The following SH3D19 variants were observed in gnomAD, a reference collection of about 807,000 sequenced individuals.
SH3D19 encodes SH3 domain-containing protein 19.
Under a neutral mutation model 112.1 loss-of-function variants are expected in SH3D19, and 58 were observed. That is an observed-to-expected ratio of 0.52 (90% CI 0.42 to 0.64). The LOEUF (loss-of-function observed/expected upper bound fraction) is 0.64. SH3D19 is among the 30% of genes least tolerant of loss of function. SH3D19 has a pLI of 0.00. For synonymous variants in SH3D19, 391 were observed against 448.5 expected, an observed-to-expected ratio of 0.87 and a Z score of 1.62; for missense variants, 1,090 against 1,263.4, an observed-to-expected ratio of 0.86 and a Z score of 2.08.
In SH3D19 at chr4:151,176,946, C is replaced by G. The variant is rs1429838905; in HGVS notation, c.246G>C (p.Glu82Asp). The G allele has an allele frequency of 8.1e-7, 1 of 1,232,200 alleles. No individual in the cohort carries two copies. Among genetic ancestry groups the G allele is most frequent in the Non-Finnish European group, 1.0e-6 (1 of 987,980 alleles). The allele number at this position is 1,232,200 out of a possible 1,614,324, so 76.3% of individuals were successfully genotyped here. A position where few individuals can be genotyped will look rare whatever the true frequency, so the allele number is the denominator to read the frequency against. Residue 82 changes from glutamate to aspartate, a missense_variant, in exon 5 of 20, where the codon GAG (glutamate) becomes GAC (aspartate). Transcript: ENST00000604030. ...GTGGCTCAGCTGCCACAATGGTGATCTCTGGGCGCCTAGTGGACAGAAGCC... is the reference window on the plus strand; with the variant it reads ...GTGGCTCAGCTGCCACAATGGTGATGTCTGGGCGCCTAGTGGACAGAAGCC... The part of the protein sequence containing the change: ...SELHRDRRRP[E>D]ITIVAAEPLR...
intron 2 of SH3D19, among the ~76,000 whole-genome samples, chr4:151,195,025 A>G (rs1201429586): frequency 6.6e-6 from 1 of 150,490 alleles, no homozygotes; most frequent in Non-Finnish European, 1.5e-5. Flanking sequence ...CAGTGAGCCA[A>G]GATCGTGCAC....
At chr4:151,283,202 T>C in intron 1 of SH3D19, 1 of 1,613,918 alleles carries the variant, frequency 6.2e-7, no homozygotes, top group Non-Finnish European at 8.5e-7. Context: ...ATCCCATCGG[T>C]ATCTTCTTGC....
chr4:151,170,831 C>T (rs987443521), intron 7 of SH3D19: 1 of 152,192 alleles, frequency 6.6e-6, no homozygotes, highest in African/African-American at 2.4e-5. Flanking sequence ...CAGTGAAAAC[C>T]AGGTTCCCTG....
At chr4:151,189,136 CAG>C (rs1344105870) in intron 2 of SH3D19, among the ~76,000 whole-genome samples, 5 of 152,168 alleles carry the variant, frequency 3.3e-5, no homozygotes, top group Non-Finnish European at 5.9e-5. Context: ...AATTTTTAGA[CAG>C]AGTCTCGCTC....
rs147933255 is a variant in SH3D19 at position 151,174,856 on chromosome 4, G to A, written c.1348C>T (p.Leu450Phe). The A allele has an allele frequency of 5.0e-6, 8 of 1,600,058 alleles. No homozygotes were observed. In the South Asian group the frequency reaches 7.9e-5, roughly 16 times the overall value. ...GCTTTGGCTTGTGATGCCCCTGCGAGTCGGGGAGGAACAGTGACAGGTTTC... is the reference window on the plus strand; with the variant it reads ...GCTTTGGCTTGTGATGCCCCTGCGAATCGGGGAGGAACAGTGACAGGTTTC... Reference protein sequence around the residue: ...PLKPVTVPPRLAGASQAKAYK... With the variant: ...PLKPVTVPPRFAGASQAKAYK... The change falls in exon 7 of 20, where the codon CTC (leucine) becomes TTC (phenylalanine). Residue 450 changes from leucine (L) to phenylalanine (F), a missense_variant. Transcript: ENST00000604030.
intron 8 of SH3D19, among the ~76,000 whole-genome samples, 190 bp downstream of exon 8, chr4:151,165,399 G>A (rs1427787181): frequency 2.0e-5 from 3 of 152,090 alleles, no homozygotes; most frequent in South Asian, 2.1e-4. Flanking sequence ...AAAGGGAAGC[G>A]AAGGGGAAAG....
chr4:151,288,297 TA>T (rs1347720107), intron 1 of SH3D19, among the ~76,000 whole-genome samples: 1 of 151,980 alleles, frequency 6.6e-6, no homozygotes, highest in African/African-American at 2.4e-5. Flanking sequence ...AAGAGACAAA[TA>T]AAAAGACATC....
At chr4:151,155,884 G>C (rs1364444325) in intron 9 of SH3D19, among the ~76,000 whole-genome samples, 2 of 151,948 alleles carry the variant, frequency 1.3e-5, no homozygotes, top group African/African-American at 4.8e-5. Flanking sequence ...GCGAGACTCT[G>C]TCTCAAAAAA....
intron 2 of SH3D19, among the ~76,000 whole-genome samples, chr4:151,195,928 AAAAAAAAAAAAG>A (rs1236480019): frequency 1.1e-4 from 16 of 151,796 alleles, no homozygotes; most frequent in Admixed American, 1.0e-3. Flanking sequence ...GTTCTTAAAA[AAAAAAAAAAAAG>A]AAAAAAGAAT....
rs116609677 is a variant in SH3D19 at position 151,177,109 on chromosome 4, C to T, written c.237-154G>A. ...ATGACCTGTCAGGCCTGGGCTGTCT[C>T]TGACAGTACACCCAGACAGGCTTCA... On this transcript the variant is annotated intron_variant, in intron 4 of 19. Coordinates refer to ENST00000604030, the MANE Select transcript of SH3D19 (RefSeq NM_001378122.1). 2.7e-3 allele frequency among the ~76,000 whole-genome samples: 419 copies of T among 152,366 alleles called. 1 individual carries two copies. The highest frequency in any genetic ancestry group is 9.8e-3 in the African/African-American group (407 of 41,588).
chr4:151,321,464 C>T (rs1730525704), intron 1 of SH3D19, among the ~76,000 whole-genome samples: 1 of 151,914 alleles, frequency 6.6e-6, no homozygotes, highest in Admixed American at 6.6e-5. Context: ...AACCAAGAAA[C>T]AAAAATGAAG....
At chr4:151,199,355 C>T (rs1472838302) in intron 2 of SH3D19, among the ~76,000 whole-genome samples, 1 of 152,042 alleles carries the variant, frequency 6.6e-6, no homozygotes, top group Non-Finnish European at 1.5e-5. Context: ...AGGAAATGTG[C>T]CTTTTATCAG....
chr4:151,177,675 A>C (rs999958090), intron 4 of SH3D19, among the ~76,000 whole-genome samples: 2 of 152,034 alleles, frequency 1.3e-5, no homozygotes, highest in African/African-American at 4.8e-5. Flanking sequence ...TAAAGTGCAT[A>C]CTCTGAAATG....
At chr4:151,280,542 C>T (rs1424596921) in intron 1 of SH3D19, among the ~76,000 whole-genome samples, 2 of 152,200 alleles carry the variant, frequency 1.3e-5, no homozygotes, top group Non-Finnish European at 2.9e-5. Flanking sequence ...TTTTAAGCCA[C>T]TAAGCTTTAT....
In SH3D19 at chr4:151,268,632, T is replaced by A. The variant is rs1258168796; in HGVS notation, c.113-42546A>T. Among the ~76,000 whole-genome samples, 5 of 127,360 alleles carry A rather than the reference T, an allele frequency of 3.9e-5. No individual in the cohort carries two copies. In the East Asian group the frequency reaches 1.3e-3, roughly 32 times the overall value. The allele number at this position is 127,360 out of a possible 152,430, so 83.6% of individuals were successfully genotyped here. ...CAGTCCCCAGAGTGTGATGTTCCCCTTCCTGTGTCCATGTGTTCTCATTGT... is the reference window on the plus strand; with the variant it reads ...CAGTCCCCAGAGTGTGATGTTCCCCATCCTGTGTCCATGTGTTCTCATTGT... On this transcript the variant is annotated intron_variant, in intron 1 of 19. Coordinates refer to ENST00000604030, the MANE Select transcript of SH3D19 (RefSeq NM_001378122.1).
At chr4:151,323,500 T>C (rs984010566) in intron 1 of SH3D19, among the ~76,000 whole-genome samples, 1 of 152,166 alleles carries the variant, frequency 6.6e-6, no homozygotes, top group African/African-American at 2.4e-5. Context: ...TGTAAAGAAA[T>C]GTAAACTATT....
chr4:151,191,634 G>C (rs531702492), intron 2 of SH3D19, among the ~76,000 whole-genome samples: 1 of 152,184 alleles, frequency 6.6e-6, no homozygotes, highest in African/African-American at 2.4e-5. Flanking sequence ...TGTCAGAAGA[G>C]TACAGAATCT....
At chr4:151,297,938 T>G (rs1775813273) in intron 1 of SH3D19, among the ~76,000 whole-genome samples, 3 of 151,896 alleles carry the variant, frequency 2.0e-5, no homozygotes, top group Admixed American at 2.0e-4. Flanking sequence ...CTAATGAGAG[T>G]ATGCAGAAGA....
chr4:151,180,823 G>A (rs1467667332), intron 3 of SH3D19, among the ~76,000 whole-genome samples: 1 of 151,554 alleles, frequency 6.6e-6, no homozygotes, highest in East Asian at 1.9e-4. Flanking sequence ...GAGTGCAGTG[G>A]CGCCATCTCG....
Sources: allele counts gnomAD v4.1 joint callset (sites outside exome capture counted in the v4.1 genomes callset), GRCh38; gene constraint gnomAD v4.1.1; transcripts MANE v1.5; gene names NCBI Gene and HGNC (gene_info 2026-07-23, HGNC 2026-07-21).